Variants in CHCHD3 observed in about 807,000 individuals in gnomAD.
CHCHD3 encodes MICOS complex subunit MIC19.
CHCHD3 carries 20 observed loss-of-function variants against 38.2 expected under a neutral mutation model. The ratio of observed to expected loss-of-function variants is 0.52; its 90% CI spans 0.37 to 0.76. CHCHD3 has a LOEUF of 0.76. Among genes scored for constraint, CHCHD3 ranks in the 30% least tolerant of loss-of-function variants. CHCHD3 has a pLI of 0.00. For missense variants in CHCHD3, 245 were observed against 279.2 expected (o/e 0.88, Z 0.87); for synonymous variants, 82 against 100.0 (o/e 0.82, Z 1.07).
At chr7:133,003,703 T>C (rs1487103800) in intron 3 of CHCHD3, among the ~76,000 whole-genome samples, 1 of 152,200 alleles carries the variant, frequency 6.6e-6, no homozygotes, top group Non-Finnish European at 1.5e-5. Context: ...CAATGCTGAC[T>C]CAAGCTCTTG....
At chr7:133,031,589 T>C (rs1044884489) in intron 2 of CHCHD3, among the ~76,000 whole-genome samples, 5 of 152,192 alleles carry the variant, frequency 3.3e-5, no homozygotes, top group African/African-American at 7.2e-5. Flanking sequence ...ATAAAAGTTA[T>C]ACCTTGCTTC....
intron 4 of CHCHD3, among the ~76,000 whole-genome samples, chr7:132,917,338 G>A (rs970606947): frequency 6.6e-6 from 1 of 151,958 alleles, no homozygotes; most frequent in Non-Finnish European, 1.5e-5. Context: ...CTAGAAAAGA[G>A]CCAGTCGTAA....
rs149647564 is a variant in CHCHD3, at chr7:132,899,564, G to C, written c.370-13819C>G. 5.3e-5 allele frequency among the ~76,000 whole-genome samples: 8 copies of C among 152,318 alleles called. No homozygotes were observed. In the East Asian group the frequency reaches 1.5e-3, roughly 29 times the overall value. ...CAGAATGTAAACCAGCAGAGAATGA[G>C]GTTTACATGTGTTTGTATGTATCAG... On this transcript the variant is annotated intron_variant, in intron 4 of 7. Coordinates refer to ENST00000262570, the MANE Select transcript of CHCHD3 (RefSeq NM_017812.4).
chr7:132,930,177 T>TTTTG, intron 4 of CHCHD3, among the ~76,000 whole-genome samples: 1 of 150,568 alleles, frequency 6.6e-6, no homozygotes, highest in Non-Finnish European at 1.5e-5. Flanking sequence ...TTTTTTTTTT[T>TTTTG]TTTTTTGAGA....
At chr7:132,958,445 A>AAGAAAAAACAATCAT (rs1428184848) in intron 4 of CHCHD3, among the ~76,000 whole-genome samples, 1 of 152,194 alleles carries the variant, frequency 6.6e-6, no homozygotes, top group Non-Finnish European at 1.5e-5. Flanking sequence ...AAAAAAGGAA[A>AAGAAAAAACAATCAT]AGAAAAAACA....
At chr7:132,798,966 C>G (rs1311138406) in intron 6 of CHCHD3, among the ~76,000 whole-genome samples, 1 of 151,810 alleles carries the variant, frequency 6.6e-6, no homozygotes, top group African/African-American at 2.4e-5. Flanking sequence ...ATCAATACTA[C>G]TCACTTCCAG....
chr7:133,037,334 A>C (rs1813707870), intron 2 of CHCHD3, among the ~76,000 whole-genome samples: 1 of 152,232 alleles, frequency 6.6e-6, no homozygotes, highest in South Asian at 2.1e-4. Context: ...ACTAGAAGCA[A>C]ATTAAATGTC....
chr7:132,872,388 A>G (rs1295185263), intron 5 of CHCHD3, among the ~76,000 whole-genome samples: 1 of 152,174 alleles, frequency 6.6e-6, no homozygotes, highest in African/African-American at 2.4e-5. Context: ...CTTAAGAGCT[A>G]CTAGTTGCCA....
chr7:133,021,255 A>C (rs1301784398), intron 3 of CHCHD3, among the ~76,000 whole-genome samples: 3 of 152,228 alleles, frequency 2.0e-5, no homozygotes, highest in Non-Finnish European at 4.4e-5. Context: ...CTAAGAGATA[A>C]AGTATTGTGT....
intron 6 of CHCHD3, among the ~76,000 whole-genome samples, chr7:132,799,788 T>C (rs1182173085): frequency 1.3e-5 from 2 of 152,216 alleles, no homozygotes; most frequent in African/African-American, 4.8e-5. Context: ...GAACCTTTCA[T>C]GGATCCTACC....
chr7:132,960,633 AAAAC>A (rs758485504), intron 4 of CHCHD3, among the ~76,000 whole-genome samples: 77 of 152,296 alleles, frequency 5.1e-4, no homozygotes, highest in Middle Eastern at 3.4e-3. Context: ...AGAAAGGAGA[AAAAC>A]AACGTCAGAA....
intron 4 of CHCHD3, among the ~76,000 whole-genome samples, chr7:132,910,477 G>A (rs1490668202): frequency 6.6e-6 from 1 of 152,166 alleles, no homozygotes; most frequent in Admixed American, 6.5e-5. Flanking sequence ...GGGAATTCAA[G>A]CAGATTTTTG....
In CHCHD3 at chr7:133,031,836, T is replaced by C. The variant is rs148333587; in HGVS notation, c.170-7209A>G. Among the ~76,000 whole-genome samples, 532 of 152,302 alleles carry C rather than the reference T, an allele frequency of 3.5e-3. 2 individuals carry two copies. The highest frequency in any genetic ancestry group is 6.3e-3 in the Non-Finnish European group (425 of 67,996). Reference sequence around the variant, plus strand: ...GACTCTGATTCTCCCAGGATTGAGATAGTTGAGCAAAAAGTTATACCATAA... The same window carrying C: ...GACTCTGATTCTCCCAGGATTGAGACAGTTGAGCAAAAAGTTATACCATAA... On this transcript the variant is annotated intron_variant, in intron 2 of 7. Transcript: ENST00000262570.
At position 133,034,739 on chromosome 7, in the gene CHCHD3, G is replaced by A. The variant is rs754471080; in HGVS notation, c.170-10112C>T. On this transcript the variant is annotated intron_variant, in intron 2 of 7. Transcript: ENST00000262570. ...CCAGTTTCCGCCATGTGTATGACTC[G>A]TAGTCCACCTGCCAATCTGGACTCA... 1.2e-5 allele frequency: 19 copies of A among 1,613,300 alleles called. No individual in the cohort carries two copies. The African/African-American group carries it at 1.3e-4, about 11-fold the overall frequency.
At chr7:132,797,575 A>G (rs1029223112) in intron 6 of CHCHD3, among the ~76,000 whole-genome samples, 2 of 152,214 alleles carry the variant, frequency 1.3e-5, no homozygotes, top group African/African-American at 4.8e-5. Context: ...GCTATTAGAC[A>G]TCGGAACCCT....
intron 2 of CHCHD3, among the ~76,000 whole-genome samples, chr7:133,040,503 T>C (rs1266627239): frequency 2.6e-5 from 4 of 152,166 alleles, no homozygotes; most frequent in Non-Finnish European, 5.9e-5. Context: ...ATAAATATAC[T>C]TAATGAAGTA....
chr7:132,916,985 G>T (rs541378177), intron 4 of CHCHD3, among the ~76,000 whole-genome samples: 2 of 152,266 alleles, frequency 1.3e-5, no homozygotes, highest in South Asian at 4.2e-4. Context: ...GCATCCACAG[G>T]GGGGTCTTGG....
chr7:133,025,938 G>A (rs762821718), intron 2 of CHCHD3, among the ~76,000 whole-genome samples: 1 of 152,204 alleles, frequency 6.6e-6, no homozygotes. Flanking sequence ...AATAGGATAT[G>A]CAAAAGCCCT....
In CHCHD3 at chr7:133,027,063, G is replaced by A. The variant is rs372687336; in HGVS notation, c.170-2436C>T. Reference sequence around the variant, plus strand: ...AGTGATTCTCCTGCCTCAGCCTCCCGAGTAGCTGGGATTACAGGCATGCGC... The same window carrying A: ...AGTGATTCTCCTGCCTCAGCCTCCCAAGTAGCTGGGATTACAGGCATGCGC... On this transcript the variant is annotated intron_variant, in intron 2 of 7. Coordinates refer to ENST00000262570, the MANE Select transcript of CHCHD3 (RefSeq NM_017812.4). Among the ~76,000 whole-genome samples, 14 of 151,672 alleles carry A rather than the reference G, an allele frequency of 9.2e-5. No homozygotes were observed. The East Asian group carries it at 9.7e-4, about 11-fold the overall frequency.
Sources: gnomAD v4.1 joint callset for allele counts (sites outside exome capture counted in the v4.1 genomes callset) on GRCh38, gnomAD v4.1.1 for gene constraint, MANE v1.5 for transcripts, NCBI Gene and HGNC (gene_info 2026-07-23, HGNC 2026-07-21) for gene names.